The following WWC2 variants were observed in gnomAD, a reference collection of about 807,000 sequenced individuals.
The protein encoded by WWC2 is protein WWC2.
WWC2 carries 101 observed loss-of-function variants against 138.5 expected under a neutral mutation model. The observed-to-expected ratio is 0.73, with a 90% CI of 0.62 to 0.86. WWC2 has a LOEUF of 0.86. WWC2 is among the 40% of genes least tolerant of loss of function. The pLI is 0.00. For missense variants in WWC2, 1,420 were observed against 1,419.4 expected, an observed-to-expected ratio of 1.00 and a Z score of -0.01; for synonymous variants, 558 against 538.4, an observed-to-expected ratio of 1.04 and a Z score of -0.50.
chr4:183,312,541 G>T, intron 22 of WWC2, 73 bp downstream of exon 22: 5 of 1,590,826 alleles, frequency 3.1e-6, no homozygotes, highest in Non-Finnish European at 4.3e-6. Flanking sequence ...TCACCTCAGT[G>T]CAGTGAAAGT....
At chr4:183,279,238 T>C (rs2111398169) in intron 16 of WWC2, among the ~76,000 whole-genome samples, 1 of 152,170 alleles carries the variant, frequency 6.6e-6, no homozygotes, top group African/African-American at 2.4e-5. Flanking sequence ...GATAATCATG[T>C]GGTTTTTGTC....
At chr4:183,232,928 G>A (rs1176274579) in intron 4 of WWC2, among the ~76,000 whole-genome samples, 1 of 152,220 alleles carries the variant, frequency 6.6e-6, no homozygotes, top group African/African-American at 2.4e-5. Context: ...GATTGTAGGC[G>A]TGATCCATTG....
rs185565321 is a variant in WWC2 at position 183,111,122 on chromosome 4, C to T, written c.131+11500C>T. On this transcript the variant is annotated intron_variant, in intron 1 of 22. Coordinates refer to ENST00000403733, the MANE Select transcript of WWC2 (RefSeq NM_024949.6). ...GGGCGTCGTGGCAGGCGCTGGTAGTCCCAGCTCTTCGGGAGGCTGAGGCAG... is the reference window on the plus strand; with the variant it reads ...GGGCGTCGTGGCAGGCGCTGGTAGTTCCAGCTCTTCGGGAGGCTGAGGCAG... 7.2e-5 allele frequency among the ~76,000 whole-genome samples: 11 copies of T among 152,200 alleles called. No homozygotes were observed. In the East Asian group the frequency reaches 2.1e-3, roughly 29 times the overall value.
At chr4:183,237,592 G>A (rs993574263) in intron 4 of WWC2, among the ~76,000 whole-genome samples, 3 of 152,018 alleles carry the variant, frequency 2.0e-5, no homozygotes, top group South Asian at 2.1e-4. Context: ...AGTTCCAGTA[G>A]CACTCTTTAT....
chr4:183,138,602 A>G (rs2111089500), intron 1 of WWC2, among the ~76,000 whole-genome samples: 1 of 152,242 alleles, frequency 6.6e-6, no homozygotes, highest in East Asian at 1.9e-4. Context: ...TATTTATCGT[A>G]TGGTCCTTTA....
chr4:183,284,231 C>T lies in WWC2; in HGVS notation c.2889C>T (p.Asp963=). 6.2e-7 allele frequency: 1 copy of T among 1,613,418 alleles called. No homozygotes were observed. Among genetic ancestry groups the T allele is most frequent in the East Asian group, 2.2e-5 (1 of 44,870 alleles). The change falls in exon 19 of 23, where the codon GAC becomes GAT. Residue 963 remains aspartate, a synonymous_variant. Transcript: ENST00000403733. ...QPPTRIPTLV[D]KETNTDEAAN... ...ATTGTTAACTTCTCTTATAGGTTGACAAAGAGACAAACACTGATGAAGCCG... is the reference window on the plus strand; with the variant it reads ...ATTGTTAACTTCTCTTATAGGTTGATAAAGAGACAAACACTGATGAAGCCG...
chr4:183,127,273 A>G (rs1483784098), intron 1 of WWC2, among the ~76,000 whole-genome samples: 2 of 152,242 alleles, frequency 1.3e-5, no homozygotes, highest in Admixed American at 6.5e-5. Flanking sequence ...GAGGCATTAT[A>G]TAAAACCCAG....
At chr4:183,244,889 C>T (rs1443296025) in intron 5 of WWC2, among the ~76,000 whole-genome samples, 1 of 151,848 alleles carries the variant, frequency 6.6e-6, no homozygotes, top group Non-Finnish European at 1.5e-5. Context: ...AGATTGAAGG[C>T]AAAAAGACAT....
rs1580126921 is a variant in WWC2 at position 183,266,067 on chromosome 4, C to A, written c.2207+116C>A. On this transcript the variant is annotated intron_variant, in intron 14 of 22. Transcript: ENST00000403733. Reference sequence around the variant, plus strand: ...AAGATACGGAAAAGACATAGCAGGGCTGATCATGTCTAAATGAATGGCAGA... The same window carrying A: ...AAGATACGGAAAAGACATAGCAGGGATGATCATGTCTAAATGAATGGCAGA... 1.4e-5 allele frequency: 13 copies of A among 914,754 alleles called. No homozygotes were observed. The East Asian group carries it at 3.4e-4, about 24-fold the overall frequency. 56.7% of individuals were successfully genotyped at this position (914,754 alleles called of 1,614,324 possible).
chr4:183,193,193 G>A (rs926506884), intron 1 of WWC2, among the ~76,000 whole-genome samples: 1 of 152,318 alleles, frequency 6.6e-6, no homozygotes, highest in South Asian at 2.1e-4. Flanking sequence ...TCTGAAATTA[G>A]TGTAACCTGA....
In WWC2 at chr4:183,284,363, A is replaced by C. The variant is rs1401675505; in HGVS notation, c.3021A>C (p.Pro1007=). The change falls in exon 19 of 23, where the codon CCA becomes CCC. Residue 1007 remains proline, a synonymous_variant. Coordinates refer to ENST00000403733, the MANE Select transcript of WWC2 (RefSeq NM_024949.6). The stretch of plus-strand genomic sequence containing the variant: ...TAGTGCGCTCACAGACCTTTTCTCC[A>C]GGAGAGCGGAACCAGTACATCTGCA... ...SVIVRSQTFS[P]GERNQYICRL... is the part of the protein sequence containing the mutation. 2 of 1,613,178 alleles carry C rather than the reference A, an allele frequency of 1.2e-6. No individual in the cohort carries two copies. Among genetic ancestry groups the C allele is most frequent in the Non-Finnish European group, 1.7e-6 (2 of 1,179,838 alleles).
At chr4:183,275,849 T>C (rs13142597) in intron 16 of WWC2, among the ~76,000 whole-genome samples, 12,270 of 152,264 alleles carry the variant, frequency 0.081, 700 homozygotes, top group Non-Finnish European at 0.12. Flanking sequence ...TTAATTCTTC[T>C]GTAAACGTTT....
chr4:183,310,685 C>A (rs1438210249), intron 21 of WWC2, among the ~76,000 whole-genome samples: 1 of 61,852 alleles, frequency 1.6e-5, no homozygotes, highest in Non-Finnish European at 4.0e-5. Flanking sequence ...TTTTTTTTTT[C>A]ATAGAGAGAG....
intron 1 of WWC2, among the ~76,000 whole-genome samples, chr4:183,178,037 T>G (rs1406355839): frequency 6.6e-6 from 1 of 152,180 alleles, no homozygotes; most frequent in Non-Finnish European, 1.5e-5. Context: ...AGCATCACTA[T>G]AGCGTTAGGA....
intron 1 of WWC2, among the ~76,000 whole-genome samples, chr4:183,168,257 G>A (rs1734180625): frequency 6.7e-6 from 1 of 150,030 alleles, no homozygotes; most frequent in Non-Finnish European, 1.5e-5. Flanking sequence ...TGGGTAACAG[G>A]GATTTAAAAC....
At chr4:183,284,481 C>T (rs1738182155) in intron 19 of WWC2, 91 bp downstream of exon 19, 1 of 1,424,658 alleles carries the variant, frequency 7.0e-7, no homozygotes, top group Non-Finnish European at 9.5e-7. Context: ...AGACTGTGCA[C>T]TGGGAGTCCA....
At chr4:183,112,728 TA>T (rs888981932) in intron 1 of WWC2, among the ~76,000 whole-genome samples, 1 of 152,112 alleles carries the variant, frequency 6.6e-6, no homozygotes, top group Non-Finnish European at 1.5e-5. Context: ...TTGATTAAAA[TA>T]AACAAGATGA....
intron 4 of WWC2, among the ~76,000 whole-genome samples, chr4:183,213,541 T>C (rs1468498307): frequency 2.0e-5 from 3 of 152,196 alleles, no homozygotes; most frequent in Admixed American, 6.5e-5. Flanking sequence ...GAATTAGTAC[T>C]AGTAGGTCAA....
intron 1 of WWC2, among the ~76,000 whole-genome samples, chr4:183,125,438 A>G (rs370682629): frequency 2.0e-4 from 30 of 152,362 alleles, no homozygotes; most frequent in African/African-American, 7.2e-4. Flanking sequence ...GTTTTCAAAA[A>G]TGCTATTTCT....
Sources: allele counts gnomAD v4.1 joint callset (sites outside exome capture counted in the v4.1 genomes callset), GRCh38; gene constraint gnomAD v4.1.1; transcripts MANE v1.5; gene names NCBI Gene and HGNC (gene_info 2026-07-23, HGNC 2026-07-21).